Variants in FGFR1 observed in about 807,000 individuals in gnomAD.
FGFR1 encodes the protein fibroblast growth factor receptor 1, also known as FGFR1/PLAG1 fusion.
Under a neutral mutation model 93.7 loss-of-function variants are expected in FGFR1, and 18 were observed. The ratio of observed to expected loss-of-function variants is 0.19; its 90% CI spans 0.13 to 0.28. The LOEUF (loss-of-function observed/expected upper bound fraction) is 0.28, where lower values mean the gene tolerates loss of function less well. FGFR1 is among the 10% of genes least tolerant of loss of function. The pLI, the probability that FGFR1 is intolerant of heterozygous loss-of-function variation, is 1.00. For missense variants in FGFR1, 731 were observed against 1,080.4 expected (o/e 0.68, Z 4.53); for synonymous variants, 448 against 429.3 (o/e 1.04, Z -0.54).
intron 2 of FGFR1, among the ~76,000 whole-genome samples, chr8:38,445,453 G>C (rs1828983154): frequency 2.6e-5 from 4 of 152,212 alleles, no homozygotes; most frequent in Admixed American, 2.0e-4. Context: ...TGCACTGGGA[G>C]TTTGGGGTAG....
At chr8:38,467,181 C>T (rs1236088192) in intron 1 of FGFR1, among the ~76,000 whole-genome samples, 1 of 152,138 alleles carries the variant, frequency 6.6e-6, no homozygotes, top group African/African-American at 2.4e-5. Context: ...CCGCCCCCAT[C>T]CCACACCTCG....
intron 2 of FGFR1, among the ~76,000 whole-genome samples, chr8:38,438,915 C>T (rs1314678743): frequency 1.3e-5 from 2 of 152,126 alleles, no homozygotes; most frequent in Non-Finnish European, 2.9e-5. Context: ...TCATATCAAT[C>T]ATTACCTTAC....
chr8:38,422,228 A>G, intron 7 of FGFR1: 1 of 489,590 alleles, frequency 2.0e-6, no homozygotes, highest in Non-Finnish European at 3.7e-6. Context: ...GCGGGCGGTG[A>G]GCGGCATGGA....
chr8:38,428,738 T>G, intron 3 of FGFR1: 1 of 431,200 alleles, frequency 2.3e-6, no homozygotes, highest in Non-Finnish European at 4.3e-6. Flanking sequence ...TCTCAACTTG[T>G]GGTGCCACCT....
chr8:38,428,418 C>A lies in FGFR1; in HGVS notation c.376G>T (p.Glu126Ter). The A allele has an allele frequency of 1.9e-6, 3 of 1,613,478 alleles. No individual in the cohort carries two copies. Among genetic ancestry groups the A allele is most frequent in the Non-Finnish European group, 2.5e-6 (3 of 1,179,872 alleles). The change falls in exon 4 of 18, where the codon GAG becomes TAG. Residue 126 changes from glutamate (E) to a stop codon, truncating the protein, a stop_gained. Transcript: ENST00000447712. LOFTEE classifies it high-confidence loss of function. ...VNVSDALPSS[E>*]DDDDDDDSSS... ...GAGTCATCATCATCATCATCATCCT[C>A]CGAGGAGGGGAGAGCATCTATGGGA...
Position 38,418,259 on chromosome 8 carries a change from C to T in FGFR1, c.1399G>A (p.Glu467Lys), listed in dbSNP as rs923019674. 3.0e-5 allele frequency: 48 copies of T among 1,614,090 alleles called. No individual in the cohort carries two copies. Among genetic ancestry groups the T allele is most frequent in the East Asian group, 6.7e-5 (3 of 44,896 alleles). ...CGAGGCAGCTCCCAGCGAGGGTCTT[C>T]GGGAAGCTCATACTCAGAGACCCCT... ...LAGVSEYELP[E>K]DPRWELPRDR... Residue 467 changes from glutamate to lysine, a missense_variant, in exon 10 of 18, where the codon GAA becomes AAA. Around this residue, in one of 10 missense-constraint regions of FGFR1, gnomAD observed 146 missense variants for 173.0 expected, o/e 0.84. Transcript: ENST00000447712.
intron 1 of FGFR1, chr8:38,467,566 A>G (rs1835823236): frequency 4.3e-6 from 1 of 234,712 alleles, no homozygotes; most frequent in Non-Finnish European, 8.4e-6. Flanking sequence ...CACACATAAC[A>G]CACACAACGC....
Position 38,413,483 on chromosome 8 carries a change from C to A in FGFR1, c.*145G>T, listed in dbSNP as rs2150499758. The A allele has an allele frequency of 1.2e-6, 1 of 811,000 alleles. No individual in the cohort carries two copies. Among genetic ancestry groups the A allele is most frequent in the East Asian group, 2.7e-5 (1 of 37,280 alleles). The allele number at this position is 811,000 out of a possible 1,614,324, so 50.2% of individuals were successfully genotyped here. A position where few individuals can be genotyped will look rare whatever the true frequency, so the allele number is the denominator to read the frequency against. ...AGAGGTGAGCTGAGTGGGGTGAAGG[C>A]AGGCCACACAGGAAGGCCCCTGGTA... On this transcript the variant is annotated 3_prime_UTR_variant, in exon 18 of 18. Coordinates refer to ENST00000447712, the MANE Select transcript of FGFR1 (RefSeq NM_023110.3). The surrounding 1 kb of genome is among the most constrained non-coding windows in gnomAD (Gnocchi z 4.2).
chr8:38,413,219 C>A lies in FGFR1; in HGVS notation c.*409G>T, dbSNP rs971892183. On this transcript the variant is annotated 3_prime_UTR_variant, in exon 18 of 18. Coordinates refer to ENST00000447712, the MANE Select transcript of FGFR1 (RefSeq NM_023110.3). This position sits in a 1 kb window ranked among gnomAD's most constrained non-coding sequence, Gnocchi z 4.2. ...TACTGCTGTAGCCCTGAGGACAAGG[C>A]ACCTGCCACCAGAGTGCGAGGGGCT... 3.4e-6 allele frequency: 1 copy of A among 295,930 alleles called. No individual in the cohort carries two copies. The highest frequency in any genetic ancestry group is 6.4e-6 in the Non-Finnish European group (1 of 156,812). 18.3% of individuals were successfully genotyped at this position (295,930 alleles called of 1,614,324 possible). A position where few individuals can be genotyped will look rare whatever the true frequency, so the allele number is the denominator to read the frequency against.
chr8:38,425,671 G>A (rs1047415506), intron 6 of FGFR1, among the ~76,000 whole-genome samples: 7 of 152,200 alleles, frequency 4.6e-5, no homozygotes, highest in Admixed American at 2.0e-4. Flanking sequence ...GTGCAGTTCT[G>A]CATTAGCAAG....
intron 3 of FGFR1, 54 bp from the exon 4 acceptor site, chr8:38,428,489 C>G (rs189939746): frequency 7.6e-6 from 11 of 1,446,424 alleles, no homozygotes; most frequent in Non-Finnish European, 1.1e-5. Flanking sequence ...CTAGATTTCA[C>G]CAAGGCTAGT....
intron 2 of FGFR1, among the ~76,000 whole-genome samples, chr8:38,432,916 C>CG (rs1331955876): frequency 7.1e-6 from 1 of 141,384 alleles, no homozygotes; most frequent in Non-Finnish European, 1.6e-5. Context: ...GCGCCCCCCC[C>CG]CCTCCCCAGT....
At chr8:38,461,401 C>A (rs1475862161) in intron 1 of FGFR1, 18 of 431,928 alleles carry the variant, frequency 4.2e-5, no homozygotes, top group Middle Eastern at 6.0e-4. Context: ...GTGGCACGAT[C>A]TCAACTCACT....
At chr8:38,422,432 G>A (rs1224567004) in intron 7 of FGFR1, among the ~76,000 whole-genome samples, 1 of 152,144 alleles carries the variant, frequency 6.6e-6, no homozygotes, top group Non-Finnish European at 1.5e-5. Context: ...AAGAGATGGG[G>A]TACCATTCTG....
intron 1 of FGFR1, among the ~76,000 whole-genome samples, chr8:38,462,952 T>C (rs1340864527): frequency 7.0e-6 from 1 of 143,450 alleles, no homozygotes; most frequent in African/African-American, 2.6e-5. Flanking sequence ...TCCCCCAGGC[T>C]GGAATGCAGT....
At chr8:38,445,409 C>A in intron 2 of FGFR1, among the ~76,000 whole-genome samples, 1 of 152,150 alleles carries the variant, frequency 6.6e-6, no homozygotes, top group East Asian at 1.9e-4. Flanking sequence ...ATATATTACC[C>A]CATGAGAATG....
intron 2 of FGFR1, among the ~76,000 whole-genome samples, chr8:38,443,343 T>C (rs147615530): frequency 6.6e-6 from 1 of 152,206 alleles, no homozygotes; most frequent in Non-Finnish European, 1.5e-5. Flanking sequence ...CGATTATACA[T>C]AACCATTATG....
Position 38,411,512 on chromosome 8 carries a change from A to AT in FGFR1, c.*2115dup, listed in dbSNP as rs1814411674. 9 of 228,688 alleles carry AT rather than the reference A, an allele frequency of 3.9e-5. No individual in the cohort carries two copies. The East Asian group carries it at 5.6e-4, about 14-fold the overall frequency. 14.2% of individuals were successfully genotyped at this position (228,688 alleles called of 1,614,324 possible). On this transcript the variant is annotated 3_prime_UTR_variant, in exon 18 of 18. Coordinates refer to ENST00000447712, the MANE Select transcript of FGFR1 (RefSeq NM_023110.3). ...CTATTTACAGAGAGAAACAAAGAGA[A>AT]TTTTACAATAGTCGCCAACACTGCA...
intron 2 of FGFR1, among the ~76,000 whole-genome samples, chr8:38,444,573 G>A (rs868185973): frequency 1.9e-5 from 1 of 51,730 alleles, no homozygotes; most frequent in African/African-American, 6.8e-5. Context: ...TTTTTTTTTT[G>A]TAGAGACAGG....
Sources: allele counts gnomAD v4.1 joint callset (sites outside exome capture counted in the v4.1 genomes callset), GRCh38; gene constraint gnomAD v4.1.1; regional missense constraint gnomAD v4.1.1; non-coding constraint Gnocchi (gnomAD v3.1); transcripts MANE v1.5; gene names NCBI Gene and HGNC (gene_info 2026-07-23, HGNC 2026-07-21).